Variants in POT1 observed in about 807,000 individuals in gnomAD.
POT1 encodes the protein protection of telomeres protein 1.
In POT1, 47 loss-of-function variants were observed where a neutral mutation model predicts 78.5. The ratio of observed to expected loss-of-function variants is 0.60; its 90% CI spans 0.47 to 0.76. The LOEUF is 0.76. Among genes scored for constraint, POT1 ranks in the 30% least tolerant of loss-of-function variants. The probability of loss-of-function intolerance (pLI) is 0.00; values close to 1 mark genes in which losing one functional copy is unlikely to be tolerated. For synonymous variants in POT1, 259 were observed against 260.7 expected (o/e 0.99, Z 0.06); for missense variants, 646 against 749.9 (o/e 0.86, Z 1.62).
intron 2 of POT1, among the ~76,000 whole-genome samples, chr7:124,922,725 A>G (rs1332261131): frequency 1.3e-5 from 2 of 151,988 alleles, no homozygotes; most frequent in Non-Finnish European, 2.9e-5. Context: ...AGGAGAACAA[A>G]AAACAGGCAA....
chr7:124,842,584 G>T (rs1795053626), intron 13 of POT1, among the ~76,000 whole-genome samples: 1 of 151,924 alleles, frequency 6.6e-6, no homozygotes, highest in African/African-American at 2.4e-5. Context: ...TTATCAGAGT[G>T]ACTAAGCTGA....
intron 6 of POT1, among the ~76,000 whole-genome samples, chr7:124,889,263 A>C (rs1364632900): frequency 1.3e-5 from 2 of 152,094 alleles, no homozygotes; most frequent in Non-Finnish European, 2.9e-5. Flanking sequence ...CCTTAAGCCA[A>C]AGCCTAAAGT....
Position 124,899,285 on chromosome 7 carries a change from T to A in POT1, c.-153-911A>T, listed in dbSNP as rs529774047. Among the ~76,000 whole-genome samples the A allele has an allele frequency of 3.9e-5, 6 of 152,224 alleles. No homozygotes were observed. The South Asian group carries it at 8.3e-4, about 21-fold the overall frequency. ...AGGCCCTCCCAAAACAAACTGTCTA[T>A]GAATCAAACGAAAGACCTTATTTTG... On this transcript the variant is annotated intron_variant, in intron 3 of 18. Transcript: ENST00000357628.
chr7:124,865,352 G>C (rs1270414205), intron 7 of POT1, among the ~76,000 whole-genome samples: 1 of 151,912 alleles, frequency 6.6e-6, no homozygotes, highest in East Asian at 1.9e-4. Context: ...GGGAAATTCT[G>C]GTCCTTATTT....
At chr7:124,850,997 G>T (rs1795293519) in intron 11 of POT1, among the ~76,000 whole-genome samples, 1 of 151,942 alleles carries the variant, frequency 6.6e-6, no homozygotes, top group Non-Finnish European at 1.5e-5. Flanking sequence ...CAGGTGTGGT[G>T]GCTCAAGCCT....
chr7:124,866,868 C>T (rs926107919), intron 7 of POT1, among the ~76,000 whole-genome samples: 5 of 152,166 alleles, frequency 3.3e-5, no homozygotes, highest in Admixed American at 6.5e-5. Context: ...CACAGAAGTT[C>T]GCTCTGCAGA....
intron 6 of POT1, among the ~76,000 whole-genome samples, chr7:124,890,949 T>C (rs769880940): frequency 9.2e-5 from 14 of 151,862 alleles, no homozygotes; most frequent in Admixed American, 2.6e-4. Context: ...CTGGAGAATG[T>C]TCCATGTGCA....
chr7:124,828,322 A>C (rs1177877836), intron 16 of POT1, among the ~76,000 whole-genome samples: 1 of 152,188 alleles, frequency 6.6e-6, no homozygotes, highest in Non-Finnish European at 1.5e-5. Flanking sequence ...TGGTAAGATA[A>C]GGAAGAAATA....
intron 14 of POT1, 32 bp from the exon 15 acceptor site, chr7:124,835,446 G>C (rs1794877656): frequency 1.2e-6 from 2 of 1,601,656 alleles, no homozygotes; most frequent in East Asian, 4.5e-5. Context: ...CCTTCAAGTA[G>C]TGCAAATAAA....
chr7:124,858,504 CTT>C lies in POT1; in HGVS notation c.702+451_702+452del, dbSNP rs555765727. On this transcript the variant is annotated intron_variant, in intron 9 of 18. Transcript: ENST00000357628. ...CACACCCAATTTATAATATTATAAA[CTT>C]ATAATATAAACTTGTAATATAAATA... is the stretch of plus-strand genomic sequence containing the variant. Among the ~76,000 whole-genome samples, 154 of 151,842 alleles carry C rather than the reference CTT, an allele frequency of 1.0e-3. 1 individual carries two copies. Among genetic ancestry groups the C allele is most frequent in the South Asian group, 4.6e-3 (22 of 4,822 alleles).
rs576774794 is a variant in POT1, at chr7:124,913,745, T to C, written c.-154+1829A>G. 5.9e-5 allele frequency among the ~76,000 whole-genome samples: 9 copies of C among 152,294 alleles called. No individual in the cohort carries two copies. In the East Asian group the frequency reaches 1.4e-3, roughly 23 times the overall value. ...GAAAAGACAAATGGTCATTCTTAAA[T>C]GGAGATAGTTTTATTCCTTCCCTTC... On this transcript the variant is annotated intron_variant, in intron 3 of 18. Coordinates refer to ENST00000357628, the MANE Select transcript of POT1 (RefSeq NM_015450.3).
chr7:124,903,377 A>AACTGC (rs1441415768), intron 3 of POT1, among the ~76,000 whole-genome samples: 2 of 152,240 alleles, frequency 1.3e-5, no homozygotes, highest in Admixed American at 6.5e-5. Flanking sequence ...ACTTGCTCAA[A>AACTGC]ACTGCACAAC....
intron 14 of POT1, chr7:124,840,545 C>T (rs1286624165): frequency 6.6e-6 from 1 of 152,120 alleles, no homozygotes; most frequent in African/African-American, 2.4e-5. Context: ...GTCAAGTTAT[C>T]TTTACTTGTT....
intron 9 of POT1, among the ~76,000 whole-genome samples, chr7:124,854,637 G>A (rs1335364685): frequency 6.6e-6 from 1 of 151,642 alleles, no homozygotes; most frequent in Non-Finnish European, 1.5e-5. Context: ...GTTTTATAAG[G>A]AGCAGACAAA....
chr7:124,824,157 G>C (rs1235822386), intron 18 of POT1, 83 bp from the exon 19 acceptor site: 1 of 737,954 alleles, frequency 1.4e-6, no homozygotes, highest in Non-Finnish European at 2.1e-6. Context: ...GCTTACCACT[G>C]AGCTAGAAAA....
At chr7:124,857,898 G>A (rs1274011502) in intron 9 of POT1, among the ~76,000 whole-genome samples, 1 of 152,164 alleles carries the variant, frequency 6.6e-6, no homozygotes, top group Non-Finnish European at 1.5e-5. Flanking sequence ...AAACAGTACT[G>A]TAACACTTCC....
chr7:124,840,231 G>T (rs764831096), intron 14 of POT1, among the ~76,000 whole-genome samples: 2 of 151,596 alleles, frequency 1.3e-5, no homozygotes, highest in Admixed American at 6.6e-5. Flanking sequence ...TTACTCTAAG[G>T]CAAATTAAAG....
Position 124,928,818 on chromosome 7 carries a change from A to G in POT1, c.-230T>C, listed in dbSNP as rs1797338802. ...TCTGAGTTATAGAAATTCTTACCTGAATATATTTCTTGCTATAATTGTAAC... is the reference window on the plus strand; with the variant it reads ...TCTGAGTTATAGAAATTCTTACCTGGATATATTTCTTGCTATAATTGTAAC... On this transcript the variant is annotated 5_prime_UTR_variant, in exon 2 of 19. Transcript: ENST00000357628. The G allele has an allele frequency of 6.6e-6, 1 of 152,640 alleles. No individual in the cohort carries two copies. The highest frequency in any genetic ancestry group is 2.1e-4 in the South Asian group (1 of 4,834). 9.5% of individuals were successfully genotyped at this position (152,640 alleles called of 1,614,324 possible). A position where few individuals can be genotyped will look rare whatever the true frequency, so the allele number is the denominator to read the frequency against.
chr7:124,896,332 T>G lies in POT1; in HGVS notation c.9+833A>C, dbSNP rs1287627116. On this transcript the variant is annotated intron_variant, in intron 5 of 18. Transcript: ENST00000357628. ...CCTTATTTACAGGTTCGCAGATATA[T>G]CAAATATTTTAAATTAAACAATTTA... Among the ~76,000 whole-genome samples, 7 of 151,858 alleles carry G rather than the reference T, an allele frequency of 4.6e-5. No homozygotes were observed. In the East Asian group the frequency reaches 5.8e-4, roughly 13 times the overall value.
Sources: gnomAD v4.1 joint callset for allele counts (sites outside exome capture counted in the v4.1 genomes callset) on GRCh38, gnomAD v4.1.1 for gene constraint, MANE v1.5 for transcripts, NCBI Gene and HGNC (gene_info 2026-07-23, HGNC 2026-07-21) for gene names.